TMEM132D: variants seen among roughly 807,000 people sequenced by gnomAD.
TMEM132D encodes the protein transmembrane protein 132D, also known as mature OL transmembrane protein.
In TMEM132D, 21 loss-of-function variants were observed where a neutral mutation model predicts 62.3. The observed-to-expected ratio is 0.34, with a 90% CI of 0.24 to 0.49. The LOEUF is 0.49. TMEM132D is among the 20% of genes least tolerant of loss of function. TMEM132D has a pLI of 0.99. For synonymous variants in TMEM132D, 621 were observed against 575.6 expected (o/e 1.08, Z -1.13); for missense variants, 1,346 against 1,402.8 (o/e 0.96, Z 0.65).
intron 1 of TMEM132D, among the ~76,000 whole-genome samples, chr12:129,729,820 T>C (rs1105519): frequency 0.14 from 22,036 of 152,118 alleles, 1,728 homozygotes; most frequent in South Asian, 0.25. Context: ...CAGAACCTGA[T>C]GCTTTGGAAG....
intron 1 of TMEM132D, among the ~76,000 whole-genome samples, chr12:129,859,746 A>G (rs1873833062): frequency 6.6e-6 from 1 of 152,150 alleles, no homozygotes; most frequent in South Asian, 2.1e-4. Context: ...CAGGTTCTTC[A>G]GCCTTTGGAT....
chr12:129,219,836 G>A (rs1879305079), intron 4 of TMEM132D, among the ~76,000 whole-genome samples: 1 of 152,150 alleles, frequency 6.6e-6, no homozygotes, highest in Admixed American at 6.5e-5. Context: ...GGCTCCACAT[G>A]CCCTGGATGA....
chr12:129,226,125 T>A (rs1304551031), intron 4 of TMEM132D, among the ~76,000 whole-genome samples: 1 of 152,244 alleles, frequency 6.6e-6, no homozygotes, highest in African/African-American at 2.4e-5. Flanking sequence ...GTGTTTGCTC[T>A]GGAAACTAAA....
chr12:129,544,372 A>G (rs1445214942), intron 2 of TMEM132D, among the ~76,000 whole-genome samples: 1 of 152,242 alleles, frequency 6.6e-6, no homozygotes, highest in Non-Finnish European at 1.5e-5. Flanking sequence ...ATCCAGCTTT[A>G]TATTTTCCTG....
chr12:129,872,759 A>G (rs1468330070), intron 1 of TMEM132D, among the ~76,000 whole-genome samples: 1 of 152,200 alleles, frequency 6.6e-6, no homozygotes, highest in African/African-American at 2.4e-5. Context: ...AATGGCGCAC[A>G]GGATGTTGAC....
rs558455296 is a variant in TMEM132D at position 129,574,735 on chromosome 12, A to G, written c.969-43530T>C. On this transcript the variant is annotated intron_variant, in intron 2 of 8. Transcript: ENST00000422113. ...GAATATAGCTCAGGGCTTTTTCACA[A>G]TATCACGGTGGGTCCCACACATGAA... Among the ~76,000 whole-genome samples, 8 of 151,940 alleles carry G rather than the reference A, an allele frequency of 5.3e-5. No individual in the cohort carries two copies. In the East Asian group the frequency reaches 1.4e-3, roughly 26 times the overall value.
intron 1 of TMEM132D, among the ~76,000 whole-genome samples, chr12:129,817,236 C>T (rs978196143): frequency 1.4e-4 from 22 of 152,196 alleles, no homozygotes; most frequent in African/African-American, 5.3e-4. Flanking sequence ...TTGTTGAAGG[C>T]CTGCTCAGCG....
intron 1 of TMEM132D, among the ~76,000 whole-genome samples, chr12:129,848,280 C>T (rs1014824172): frequency 6.6e-6 from 1 of 152,114 alleles, no homozygotes; most frequent in African/African-American, 2.4e-5. Context: ...ATCACCACAG[C>T]GATTCTGTAA....
At chr12:129,439,705 T>G (rs1265601159) in intron 3 of TMEM132D, among the ~76,000 whole-genome samples, 2 of 152,212 alleles carry the variant, frequency 1.3e-5, no homozygotes, top group African/African-American at 4.8e-5. Flanking sequence ...TGCCTCGGCC[T>G]CCCAAAGTGC....
At chr12:129,722,748 T>TC (rs1868887353) in intron 1 of TMEM132D, among the ~76,000 whole-genome samples, 1 of 150,376 alleles carries the variant, frequency 6.6e-6, no homozygotes, top group South Asian at 2.1e-4. Context: ...TTTTCTTTTT[T>TC]TTTTTTTTTG....
rs539208760 is a variant in TMEM132D at position 129,797,249 on chromosome 12, G to C, written c.80-96551C>G. Among the ~76,000 whole-genome samples the C allele has an allele frequency of 1.3e-4, 20 of 152,300 alleles. No homozygotes were observed. The South Asian group carries it at 4.2e-3, about 32-fold the overall frequency. On this transcript the variant is annotated intron_variant, in intron 1 of 8. Coordinates refer to ENST00000422113, the MANE Select transcript of TMEM132D (RefSeq NM_133448.3). Reference sequence around the variant, plus strand: ...TCTTTCACTTGCCTGTCTCCCGGGAGGGCTACCCACAGCTGAATGTTTTCA... The same window carrying C: ...TCTTTCACTTGCCTGTCTCCCGGGACGGCTACCCACAGCTGAATGTTTTCA...
intron 5 of TMEM132D, among the ~76,000 whole-genome samples, chr12:129,184,172 A>T (rs1388021464): frequency 8.5e-5 from 13 of 152,172 alleles, no homozygotes; most frequent in Admixed American, 8.5e-4. Flanking sequence ...CGTTAAGACA[A>T]CATCTGATCT....
intron 3 of TMEM132D, among the ~76,000 whole-genome samples, chr12:129,393,660 C>T (rs547303444): frequency 6.6e-6 from 1 of 152,258 alleles, no homozygotes; most frequent in African/African-American, 2.4e-5. Context: ...TTTTCAAAAA[C>T]TCGTCCTGAA....
chr12:129,654,484 A>G (rs1014124023), intron 2 of TMEM132D, among the ~76,000 whole-genome samples: 1 of 152,188 alleles, frequency 6.6e-6, no homozygotes, highest in African/African-American at 2.4e-5. Context: ...GAAAAGAGTA[A>G]GATTTTCTTC....
intron 1 of TMEM132D, among the ~76,000 whole-genome samples, chr12:129,770,343 C>T (rs776651741): frequency 4.7e-4 from 71 of 151,968 alleles, no homozygotes; most frequent in Admixed American, 1.4e-3. Context: ...TGGGTTTCAC[C>T]GTGTTGGCCA....
chr12:129,846,751 A>G (rs1408185788), intron 1 of TMEM132D, among the ~76,000 whole-genome samples: 1 of 152,228 alleles, frequency 6.6e-6, no homozygotes, highest in Non-Finnish European at 1.5e-5. Flanking sequence ...CCAAAGTATT[A>G]TATTTTTAAC....
chr12:129,414,704 C>T (rs552369992), intron 3 of TMEM132D, among the ~76,000 whole-genome samples: 5 of 152,180 alleles, frequency 3.3e-5, no homozygotes, highest in Non-Finnish European at 7.3e-5. Context: ...TTTTACAATA[C>T]ATGACTATTA....
chr12:129,587,119 C>T (rs562972387), intron 2 of TMEM132D, among the ~76,000 whole-genome samples: 4 of 152,074 alleles, frequency 2.6e-5, no homozygotes, highest in East Asian at 1.9e-4. Context: ...CTCACAACAG[C>T]GAAGACATGG....
intron 3 of TMEM132D, among the ~76,000 whole-genome samples, chr12:129,419,679 G>C (rs1201630930): frequency 1.3e-5 from 2 of 152,120 alleles, no homozygotes; most frequent in East Asian, 3.9e-4. Context: ...TACTTACAAT[G>C]AAGAGAATAC....
Sources: gnomAD v4.1 joint callset for allele counts (sites outside exome capture counted in the v4.1 genomes callset) on GRCh38, gnomAD v4.1.1 for gene constraint, MANE v1.5 for transcripts, NCBI Gene and HGNC (gene_info 2026-07-23, HGNC 2026-07-21) for gene names.